Variants in SHOC1 observed in about 807,000 individuals in gnomAD.
SHOC1 encodes the protein shortage in chiasmata 1.
SHOC1 carries 136 observed loss-of-function variants against 179.2 expected under a neutral mutation model. The ratio of observed to expected loss-of-function variants is 0.76; its 90% CI spans 0.66 to 0.87. SHOC1 has a LOEUF of 0.87. SHOC1 is among the 40% of genes least tolerant of loss of function. The pLI, the probability that SHOC1 is intolerant of heterozygous loss-of-function variation, is 0.00. For missense variants in SHOC1, 1,538 were observed against 1,700.8 expected (o/e 0.90, Z 1.68); for synonymous variants, 489 against 586.6 (o/e 0.83, Z 2.41).
At chr9:111,778,759 A>G (rs1835924622) in intron 4 of SHOC1, among the ~76,000 whole-genome samples, 1 of 128,912 alleles carries the variant, frequency 7.8e-6, no homozygotes, top group Non-Finnish European at 1.6e-5. Context: ...TGACAGAGAG[A>G]GACTCTGTCT....
intron 2 of SHOC1, among the ~76,000 whole-genome samples, chr9:111,788,280 G>A (rs918194950): frequency 1.3e-5 from 2 of 150,602 alleles, no homozygotes; most frequent in Non-Finnish European, 2.9e-5. Context: ...CTGAGTAGCT[G>A]GGATTACAAG....
At chr9:111,756,109 C>T (rs1471791632) in intron 8 of SHOC1, among the ~76,000 whole-genome samples, 3 of 151,586 alleles carry the variant, frequency 2.0e-5, no homozygotes, top group Admixed American at 6.6e-5. Flanking sequence ...GCAACAAGAG[C>T]GAAATTTTGT....
At chr9:111,704,447 A>T (rs926829507) in intron 21 of SHOC1, among the ~76,000 whole-genome samples, 19 of 152,228 alleles carry the variant, frequency 1.2e-4, no homozygotes, top group African/African-American at 3.4e-4. Context: ...CAGTGGTGCT[A>T]TCATGGCTCA....
chr9:111,736,910 C>G (rs1326126031), intron 12 of SHOC1, among the ~76,000 whole-genome samples: 1 of 152,068 alleles, frequency 6.6e-6, no homozygotes, highest in South Asian at 2.1e-4. Context: ...AAGACATGAA[C>G]AGACACTTCT....
intron 12 of SHOC1, among the ~76,000 whole-genome samples, chr9:111,735,182 T>C (rs1239348994): frequency 9.9e-5 from 15 of 152,098 alleles, no homozygotes; most frequent in Non-Finnish European, 1.5e-4. Flanking sequence ...ATGGTGTGTA[T>C]GTACCACATT....
intron 2 of SHOC1, 39 bp from the exon 3 acceptor site, chr9:111,786,074 T>C (rs190967316): frequency 3.8e-4 from 511 of 1,343,722 alleles, no homozygotes; most frequent in Non-Finnish European, 4.7e-4. Flanking sequence ...TTTTAACATG[T>C]ACTATTTATC....
chr9:111,743,884 G>GAAGT (rs1185245325), intron 10 of SHOC1, among the ~76,000 whole-genome samples: 2 of 152,146 alleles, frequency 1.3e-5, no homozygotes, highest in Non-Finnish European at 2.9e-5. Flanking sequence ...CAAACAAATG[G>GAAGT]AAGTGATTTA....
At chr9:111,779,115 AGAGAG>A (rs1222917351) in intron 4 of SHOC1, among the ~76,000 whole-genome samples, 1 of 120,682 alleles carries the variant, frequency 8.3e-6, no homozygotes, top group Non-Finnish European at 1.6e-5. Context: ...AAAAAAAAAA[AGAGAG>A]AGAGAGAGAG....
chr9:111,704,144 T>C, intron 21 of SHOC1, 152 bp from the exon 22 acceptor site: 1 of 529,734 alleles, frequency 1.9e-6, no homozygotes, highest in East Asian at 3.0e-5. Context: ...ATTTGAAGAA[T>C]AAAGTTATGA....
chr9:111,758,682 A>T lies in SHOC1; in HGVS notation c.596+13T>A. The T allele has an allele frequency of 6.4e-7, 1 of 1,565,508 alleles. No homozygotes were observed. Among genetic ancestry groups the T allele is most frequent in the Non-Finnish European group, 8.6e-7 (1 of 1,163,114 alleles). On this transcript the variant is annotated intron_variant, in intron 6 of 27. Transcript: ENST00000682961. Reference sequence around the variant, plus strand: ...TTAAAAATATTTACAGCATTGGTCAATTAAGTAAGTACCTGGAAAAATTAG... The same window carrying T: ...TTAAAAATATTTACAGCATTGGTCATTTAAGTAAGTACCTGGAAAAATTAG...
At chr9:111,720,558 T>G (rs1392432606) in intron 15 of SHOC1, among the ~76,000 whole-genome samples, 1 of 152,208 alleles carries the variant, frequency 6.6e-6, no homozygotes, top group Admixed American at 6.5e-5. Flanking sequence ...CTCTCTTTTC[T>G]CCTCTCTTTT....
chr9:111,777,560 T>C (rs955359371), intron 4 of SHOC1, among the ~76,000 whole-genome samples: 2 of 152,234 alleles, frequency 1.3e-5, no homozygotes, highest in African/African-American at 2.4e-5. Context: ...AACTTCCTAC[T>C]GTTGCTAGTC....
intron 19 of SHOC1, 92 bp downstream of exon 19, chr9:111,707,763 G>T: frequency 1.2e-6 from 1 of 839,332 alleles, no homozygotes. Flanking sequence ...TTCAGATTTT[G>T]TTAAATTTTT....
intron 7 of SHOC1, 57 bp from the exon 8 acceptor site, chr9:111,756,535 G>A (rs12341574): frequency 0.041 from 61,187 of 1,488,170 alleles, 1,448 homozygotes; most frequent in Non-Finnish European, 0.048. Context: ...AAATATTTTC[G>A]AAATCATAAG....
chr9:111,718,668 G>C (rs1420377726), intron 15 of SHOC1, among the ~76,000 whole-genome samples: 4 of 152,166 alleles, frequency 2.6e-5, no homozygotes, highest in African/African-American at 7.2e-5. Flanking sequence ...TATGAAACAA[G>C]AATAAAAATA....
chr9:111,762,511 AT>A (rs1259197777), intron 5 of SHOC1, among the ~76,000 whole-genome samples: 1 of 152,180 alleles, frequency 6.6e-6, no homozygotes, highest in Non-Finnish European at 1.5e-5. Flanking sequence ...TCATGTTAAT[AT>A]TTAAAAATAA....
chr9:111,705,213 C>A, intron 21 of SHOC1, 34 bp downstream of exon 21: 2 of 878,376 alleles, frequency 2.3e-6, no homozygotes, highest in Non-Finnish European at 3.4e-6. Flanking sequence ...ATATAATGTA[C>A]ACTTTTGTTA....
chr9:111,791,205 T>C (rs1423546511), intron 2 of SHOC1, among the ~76,000 whole-genome samples, 169 bp downstream of exon 2: 2 of 152,172 alleles, frequency 1.3e-5, no homozygotes. Flanking sequence ...CCAAGATATC[T>C]CATTTTATAT....
At position 111,707,857 on chromosome 9, in the gene SHOC1, C is replaced by T. The variant is rs369500101; in HGVS notation, c.2556G>A (p.Arg852=). ...KDFLESEGVL[R]GTSSCVVVHN... ...CAGATGAAGGAATGAATTTTTACCC[C>T]CTTAAAACACCTTCAGATTCCAGAA... Residue 852 remains arginine, a splice_region_variant and synonymous_variant, in exon 19 of 28, where the codon AGG becomes AGA. Transcript: ENST00000682961. The T allele has an allele frequency of 6.8e-5, 107 of 1,574,320 alleles. 1 individual carries two copies. In the East Asian group the frequency reaches 9.8e-4, roughly 14 times the overall value.
Sources: allele counts gnomAD v4.1 joint callset (sites outside exome capture counted in the v4.1 genomes callset), GRCh38; gene constraint gnomAD v4.1.1; transcripts MANE v1.5; gene names NCBI Gene and HGNC (gene_info 2026-07-23, HGNC 2026-07-21).